The following TMEM132D variants were observed in gnomAD, a reference collection of about 807,000 sequenced individuals.
TMEM132D encodes the protein mature OL transmembrane protein.
Under a neutral mutation model 62.3 loss-of-function variants are expected in TMEM132D, and 21 were observed. That is an observed-to-expected ratio of 0.34 (90% CI 0.24 to 0.49). The LOEUF (loss-of-function observed/expected upper bound fraction) is 0.49. TMEM132D is among the 20% of genes least tolerant of loss of function. The pLI is 0.99. For synonymous variants in TMEM132D, 621 were observed against 575.6 expected, an observed-to-expected ratio of 1.08 and a Z score of -1.13; for missense variants, 1,346 against 1,402.8, an observed-to-expected ratio of 0.96 and a Z score of 0.65.
intron 4 of TMEM132D, among the ~76,000 whole-genome samples, chr12:129,283,513 T>C (rs1881215949): frequency 1.3e-5 from 2 of 152,172 alleles, no homozygotes; most frequent in Admixed American, 1.3e-4. Flanking sequence ...ATTTTTAAAC[T>C]CTTGTCTCCT....
chr12:129,342,770 T>C, intron 3 of TMEM132D, among the ~76,000 whole-genome samples: 1 of 152,124 alleles, frequency 6.6e-6, no homozygotes, highest in Non-Finnish European at 1.5e-5. Context: ...GCGAAGGATA[T>C]GAACAGACAC....
intron 3 of TMEM132D, 40 bp downstream of exon 3, chr12:129,531,019 G>T: frequency 6.8e-7 from 1 of 1,471,440 alleles, no homozygotes; most frequent in Non-Finnish European, 9.1e-7. Context: ...GGCCACATTT[G>T]CAGCTGATCT....
At position 129,834,896 on chromosome 12, in the gene TMEM132D, T is replaced by C. The variant is rs373128498; in HGVS notation, c.79+68365A>G. ...AGCTTTTTGGTATCTGAACAAGAAC[T>C]GATAAAGATGGTAAATGGATACTAT... On this transcript the variant is annotated intron_variant, in intron 1 of 8. Transcript: ENST00000422113. Among the ~76,000 whole-genome samples, 9 of 152,238 alleles carry C rather than the reference T, an allele frequency of 5.9e-5. No homozygotes were observed. The East Asian group carries it at 1.5e-3, about 26-fold the overall frequency.
intron 2 of TMEM132D, among the ~76,000 whole-genome samples, chr12:129,600,166 G>T (rs1486457086): frequency 6.6e-6 from 1 of 152,198 alleles, no homozygotes; most frequent in Non-Finnish European, 1.5e-5. Flanking sequence ...TAAATCCTTT[G>T]TTGTCGTTTC....
intron 1 of TMEM132D, among the ~76,000 whole-genome samples, chr12:129,770,143 G>GTTTT (rs71082754): frequency 3.1e-5 from 4 of 128,104 alleles, no homozygotes; most frequent in African/African-American, 9.0e-5. Context: ...TTTTTTGGTT[G>GTTTT]TTTTTTTTTT....
intron 2 of TMEM132D, among the ~76,000 whole-genome samples, chr12:129,627,284 A>G (rs1319276298): frequency 6.6e-6 from 1 of 152,226 alleles, no homozygotes; most frequent in African/African-American, 2.4e-5. Context: ...TTTTGACTGT[A>G]CATTTTCTAT....
chr12:129,114,123 C>A (rs532820523), intron 5 of TMEM132D, among the ~76,000 whole-genome samples: 1 of 152,180 alleles, frequency 6.6e-6, no homozygotes, highest in Non-Finnish European at 1.5e-5. Flanking sequence ...AGAAGGTACA[C>A]CTGCCTGATA....
chr12:129,101,051 G>A (rs151175880), intron 5 of TMEM132D, among the ~76,000 whole-genome samples: 84 of 151,870 alleles, frequency 5.5e-4, no homozygotes, highest in Non-Finnish European at 9.1e-4. Flanking sequence ...AGCGCTAGGC[G>A]GTGGCAGGGA....
intron 2 of TMEM132D, among the ~76,000 whole-genome samples, chr12:129,679,141 T>TG (rs1174618366): frequency 1.4e-4 from 21 of 151,864 alleles, no homozygotes; most frequent in Middle Eastern, 3.4e-3. Flanking sequence ...AGTTTTTTTT[T>TG]TTGTTGTTGT....
chr12:129,576,504 A>G lies in TMEM132D; in HGVS notation c.969-45299T>C, dbSNP rs961032651. 2.6e-5 allele frequency among the ~76,000 whole-genome samples: 4 copies of G among 151,852 alleles called. 1 individual carries two copies. Among genetic ancestry groups the G allele is most frequent in the African/African-American group, 9.7e-5 (4 of 41,122 alleles). ...TATGTGTACATATATCTGTTTACATAAATATATACACATATATGTGTACAT... is the reference window on the plus strand; with the variant it reads ...TATGTGTACATATATCTGTTTACATGAATATATACACATATATGTGTACAT... On this transcript the variant is annotated intron_variant, in intron 2 of 8. Coordinates refer to ENST00000422113, the MANE Select transcript of TMEM132D (RefSeq NM_133448.3).
At chr12:129,227,810 T>G (rs942771788) in intron 4 of TMEM132D, among the ~76,000 whole-genome samples, 12 of 151,988 alleles carry the variant, frequency 7.9e-5, no homozygotes, top group Non-Finnish European at 1.5e-4. Flanking sequence ...CAAGAGTTCT[T>G]ATTGTTCAAT....
chr12:129,671,685 G>GCT (rs1880503745), intron 2 of TMEM132D, among the ~76,000 whole-genome samples: 2 of 152,150 alleles, frequency 1.3e-5, no homozygotes, highest in Admixed American at 1.3e-4. Flanking sequence ...AAACCCCAGA[G>GCT]CAGAAAGACA....
chr12:129,215,858 G>A (rs143608201), intron 4 of TMEM132D, among the ~76,000 whole-genome samples: 1 of 152,194 alleles, frequency 6.6e-6, no homozygotes, highest in Non-Finnish European at 1.5e-5. Context: ...GGGGCAAAGA[G>A]AGAAGGAGAG....
rs1350060397 is a variant in TMEM132D, at chr12:129,802,846, C to T, written c.79+100415G>A. On this transcript the variant is annotated intron_variant, in intron 1 of 8. Transcript: ENST00000422113. ...TCAAAATAAAAGGATGGAGGAAGATCGACCAAGCAAATGGAAAACAAAAAA... is the reference window on the plus strand; with the variant it reads ...TCAAAATAAAAGGATGGAGGAAGATTGACCAAGCAAATGGAAAACAAAAAA... 7.9e-5 allele frequency among the ~76,000 whole-genome samples: 12 copies of T among 151,612 alleles called. No individual in the cohort carries two copies. In the East Asian group the frequency reaches 2.1e-3, roughly 27 times the overall value.
At chr12:129,672,808 C>A in intron 2 of TMEM132D, among the ~76,000 whole-genome samples, 1 of 152,174 alleles carries the variant, frequency 6.6e-6, no homozygotes, top group African/African-American at 2.4e-5. Flanking sequence ...AGTGCAATGG[C>A]ACTATCTCGG....
intron 4 of TMEM132D, among the ~76,000 whole-genome samples, chr12:129,214,365 T>C (rs933937579): frequency 1.3e-5 from 2 of 152,248 alleles, no homozygotes; most frequent in African/African-American, 4.8e-5. Context: ...TGTTGACCTT[T>C]GAAAATTAAT....
intron 2 of TMEM132D, among the ~76,000 whole-genome samples, chr12:129,553,723 T>G (rs1223323229): frequency 6.6e-6 from 1 of 152,240 alleles, no homozygotes; most frequent in Non-Finnish European, 1.5e-5. Flanking sequence ...CTTTCATCTC[T>G]AAATTTATCA....
chr12:129,289,783 G>A (rs928745651), intron 4 of TMEM132D, among the ~76,000 whole-genome samples: 1 of 152,064 alleles, frequency 6.6e-6, no homozygotes, highest in African/African-American at 2.4e-5. Flanking sequence ...AGATTAAGGA[G>A]GGAGGATGAC....
chr12:129,886,914 A>G (rs1022778045), intron 1 of TMEM132D, among the ~76,000 whole-genome samples: 2 of 152,116 alleles, frequency 1.3e-5, no homozygotes, highest in Non-Finnish European at 2.9e-5. Context: ...CTGCTGCCAT[A>G]CGAAGAACAT....
Sources: gnomAD v4.1 joint callset for allele counts (sites outside exome capture counted in the v4.1 genomes callset) on GRCh38, gnomAD v4.1.1 for gene constraint, MANE v1.5 for transcripts, NCBI Gene and HGNC (gene_info 2026-07-23, HGNC 2026-07-21) for gene names.